Variants in HPS4 observed in about 807,000 individuals in gnomAD.
The protein encoded by HPS4 is BLOC-3 complex member HPS4.
In HPS4, 44 loss-of-function variants were observed where a neutral mutation model predicts 70.3. That is an observed-to-expected ratio of 0.63 (90% confidence interval 0.49 to 0.80). HPS4 has a LOEUF of 0.80. Among genes scored for constraint, HPS4 ranks in the 30% least tolerant of loss-of-function variants. HPS4 has a pLI of 0.00. For missense variants in HPS4, 873 were observed against 884.4 expected (o/e 0.99, Z 0.16); for synonymous variants, 377 against 355.9 (o/e 1.06, Z -0.67).
In HPS4 at chr22:26,464,440, C is replaced by A; in HGVS notation, c.1190G>T (p.Gly397Val). ...FAFLHVPVPD[G>V]RAPYCKASLS... ...AGATGCCTTGCAGTAAGGAGCCCTG[C>A]CATCTGGAACAGGCACATGTAGGAA... The change falls in exon 11 of 14, where the codon GGC (glycine) becomes GTC (valine). Residue 397 changes from glycine to valine, a missense_variant. By Grantham distance (109) the Gly-to-Val change is moderately radical. Coordinates refer to ENST00000398145, the MANE Select transcript of HPS4 (RefSeq NM_022081.6). The A allele has an allele frequency of 3.1e-6, 5 of 1,614,218 alleles. No homozygotes were observed. Among genetic ancestry groups the A allele is most frequent in the Non-Finnish European group, 4.2e-6 (5 of 1,180,040 alleles).
intron 5 of HPS4, 21 bp downstream of exon 5, chr22:26,472,811 T>G (rs370411146): frequency 1.3e-6 from 2 of 1,569,824 alleles, no homozygotes; most frequent in Non-Finnish European, 1.8e-6. Context: ...AATGTAAGAC[T>G]CCTCAACCCC....
intron 2 of HPS4, 102 bp downstream of exon 2, chr22:26,481,620 G>A (rs1224211663): frequency 7.3e-6 from 8 of 1,097,794 alleles, no homozygotes; most frequent in Non-Finnish European, 1.1e-5. Flanking sequence ...TTATTGTTAT[G>A]TTAATAAAAT....
chr22:26,477,981 T>A (rs541019691), intron 3 of HPS4, among the ~76,000 whole-genome samples: 20 of 151,950 alleles, frequency 1.3e-4, no homozygotes, highest in African/African-American at 4.6e-4. Flanking sequence ...TGGATCCTTA[T>A]TAGGAAAAAG....
intron 5 of HPS4, 41 bp from the exon 6 acceptor site, chr22:26,472,459 A>G: frequency 7.8e-7 from 1 of 1,276,152 alleles, no homozygotes; most frequent in Non-Finnish European, 1.1e-6. Context: ...TGAGATTTTG[A>G]GGGACAGATT....
Position 26,479,308 on chromosome 22 carries a change from C to T in HPS4, c.89G>A (p.Gly30Asp), listed in dbSNP as rs1315837639. ...ACAAATGCCAGCTCTTGTTGGATCG[C>T]CTTCTTCCTTTACCTTGGAACCATC... ...LYDGSKVKEE[G>D]DPTRAGICYF... is the part of the protein sequence containing the mutation. Residue 30 changes from glycine to aspartate, a missense_variant, in exon 3 of 14, where the codon GGC (glycine) becomes GAC (aspartate). Coordinates refer to ENST00000398145, the MANE Select transcript of HPS4 (RefSeq NM_022081.6). 3 of 1,614,116 alleles carry T rather than the reference C, an allele frequency of 1.9e-6. No homozygotes were observed. The highest frequency in any genetic ancestry group is 1.3e-5 in the African/African-American group (1 of 75,018).
intron 4 of HPS4, chr22:26,476,303 C>T (rs1047102001): frequency 2.0e-5 from 3 of 151,820 alleles, no homozygotes; most frequent in African/African-American, 4.8e-5. Flanking sequence ...CCATGGGAAA[C>T]AGCACTTTAG....
In HPS4 at chr22:26,464,250, A is replaced by G. The variant is rs1415360145; in HGVS notation, c.1380T>C (p.Pro460=). Residue 460 remains proline (P), a synonymous_variant, in exon 11 of 14, where the codon CCT becomes CCC. Transcript: ENST00000398145. ...AGGGCCTGCGGGTCCTTCTGGGGAG[A>G]GGGTCTGCTCTGGGAATGGGGGCTT... is the stretch of plus-strand genomic sequence containing the variant. ...SSQAPIPRAD[P]LPRRTRRPLL... The G allele has an allele frequency of 6.2e-7, 1 of 1,614,032 alleles. No individual in the cohort carries two copies. Among genetic ancestry groups the G allele is most frequent in the Non-Finnish European group, 8.5e-7 (1 of 1,180,008 alleles).
chr22:26,470,471 C>T (rs1237131120), intron 7 of HPS4, among the ~76,000 whole-genome samples: 1 of 152,242 alleles, frequency 6.6e-6, no homozygotes, highest in Non-Finnish European at 1.5e-5. Context: ...ATGCCCCATA[C>T]TGAGAATTAT....
In HPS4 at chr22:26,452,465, G is replaced by A. The variant is rs1273170562; in HGVS notation, c.*768C>T. 4 of 432,230 alleles carry A rather than the reference G, an allele frequency of 9.3e-6. No individual in the cohort carries two copies. Among genetic ancestry groups the A allele is most frequent in the Admixed American group, 2.6e-5 (1 of 38,184 alleles). 26.8% of individuals were successfully genotyped at this position (432,230 alleles called of 1,614,324 possible). On this transcript the variant is annotated 3_prime_UTR_variant, in exon 14 of 14. Coordinates refer to ENST00000398145, the MANE Select transcript of HPS4 (RefSeq NM_022081.6). ...AACTCCTATTTAGGGACACTCGCTC[G>A]AGAGGAACCAGCTGCACGGCCCACT...
chr22:26,448,827 A>C (rs1299034466), downstream of HPS4, among the ~76,000 whole-genome samples: 2 of 152,204 alleles, frequency 1.3e-5, no homozygotes, highest in Non-Finnish European at 2.9e-5. Flanking sequence ...TATGTTGAAG[A>C]AAGATCTAGA....
intron 10 of HPS4, 29 bp from the exon 11 acceptor site, chr22:26,464,855 G>A (rs751872415): frequency 1.3e-5 from 21 of 1,570,062 alleles, no homozygotes; most frequent in Admixed American, 1.9e-5. Flanking sequence ...GTAAGGAAGG[G>A]GCACGTTGAC....
chr22:26,450,878 C>A (rs1245107241), downstream of HPS4, among the ~76,000 whole-genome samples: 1 of 152,208 alleles, frequency 6.6e-6, no homozygotes, highest in Non-Finnish European at 1.5e-5. Flanking sequence ...GTCAGTTAAA[C>A]CTCTTTCCTT....
In HPS4 at chr22:26,451,064, C is replaced by G. The variant is rs2085149959; in HGVS notation, c.*2169G>C. Among the ~76,000 whole-genome samples, 1 of 152,186 alleles carries G rather than the reference C, an allele frequency of 6.6e-6. No homozygotes were observed. Among genetic ancestry groups the G allele is most frequent in the South Asian group, 2.1e-4 (1 of 4,830 alleles). ...CTGAAGAGTCACTAGAATCTGTGGTCCTGGATCACTGACAGTGGCACTCGG... is the reference window on the plus strand; with the variant it reads ...CTGAAGAGTCACTAGAATCTGTGGTGCTGGATCACTGACAGTGGCACTCGG... On this transcript the variant is annotated 3_prime_UTR_variant, in exon 14 of 14. Transcript: ENST00000398145.
downstream of HPS4, among the ~76,000 whole-genome samples, chr22:26,446,246 T>G (rs2146154216): frequency 6.6e-6 from 1 of 151,994 alleles, no homozygotes; most frequent in Non-Finnish European, 1.5e-5. Flanking sequence ...AATTACTATT[T>G]GTAGAAGGTC....
At position 26,481,832 on chromosome 22, in the gene HPS4, T is replaced by C; in HGVS notation, c.-70A>G. ...CCGGTATCACTTCTTTCTCCCTAGCTGTGACCGTTCCTCTATCCCCCAATC... is the reference window on the plus strand; with the variant it reads ...CCGGTATCACTTCTTTCTCCCTAGCCGTGACCGTTCCTCTATCCCCCAATC... On this transcript the variant is annotated 5_prime_UTR_variant, in exon 2 of 14. Transcript: ENST00000398145. 6.8e-7 allele frequency: 1 copy of C among 1,465,424 alleles called. No individual in the cohort carries two copies. The highest frequency in any genetic ancestry group is 9.6e-7 in the Non-Finnish European group (1 of 1,044,776). 90.8% of individuals were successfully genotyped at this position (1,465,424 alleles called of 1,614,324 possible).
At chr22:26,449,050 T>C (rs115877063), downstream of HPS4, among the ~76,000 whole-genome samples, 500 of 152,196 alleles carry the variant, frequency 3.3e-3, 3 homozygotes, top group African/African-American at 0.011. Context: ...AGAGTATTAG[T>C]GTGGGTTTCC....
downstream of HPS4, among the ~76,000 whole-genome samples, chr22:26,446,894 A>T (rs958661698): frequency 8.5e-5 from 13 of 152,064 alleles, no homozygotes; most frequent in African/African-American, 3.1e-4. Context: ...CGCCTGGCTA[A>T]TTCTTGTATT....
intron 9 of HPS4, chr22:26,465,945 C>A: frequency 1.0e-6 from 1 of 986,654 alleles, no homozygotes; most frequent in Non-Finnish European, 1.5e-6. Flanking sequence ...GCCTTACCCT[C>A]TCCCAATCAC....
At chr22:26,469,976 T>C (rs561370469) in intron 7 of HPS4, among the ~76,000 whole-genome samples, 15 of 152,342 alleles carry the variant, frequency 9.8e-5, no homozygotes, top group Admixed American at 9.8e-4. Context: ...CAAGGCCGCA[T>C]GGCTGGCGAA....
Sources: allele counts gnomAD v4.1 joint callset (sites outside exome capture counted in the v4.1 genomes callset), GRCh38; gene constraint gnomAD v4.1.1; transcripts MANE v1.5; gene names NCBI Gene and HGNC (gene_info 2026-07-23, HGNC 2026-07-21).